ANKRD55: variants seen among roughly 807,000 people sequenced by gnomAD.
ANKRD55 encodes ankyrin repeat domain-containing protein 55.
A neutral mutation model predicts 60.6 loss-of-function variants in ANKRD55; 41 were observed. That is an observed-to-expected ratio of 0.68 (90% CI 0.53 to 0.88). ANKRD55 has a LOEUF of 0.88. Ranked by LOEUF, ANKRD55 falls within the 40% of genes least tolerant of loss-of-function variation. ANKRD55 has a pLI of 0.00. For synonymous variants in ANKRD55, 264 were observed against 290.3 expected, an observed-to-expected ratio of 0.91 and a Z score of 0.92; for missense variants, 732 against 767.6, an observed-to-expected ratio of 0.95 and a Z score of 0.55.
At chr5:56,145,204 T>A (rs983066294) in intron 6 of ANKRD55, among the ~76,000 whole-genome samples, 1 of 152,202 alleles carries the variant, frequency 6.6e-6, no homozygotes, top group African/African-American at 2.4e-5. Context: ...TGTGGTGATG[T>A]CTCCTACGTG....
In ANKRD55 at chr5:56,111,619, C is replaced by T; in HGVS notation, c.1129G>A (p.Glu377Lys). ...AAGGTGGTGATGATGTCATTGACTT[C>T]TGAGGTGTCCTCCTCTCTGTATCGG... ...RDRYREEDTS[E>K]VNDIITTFDS... Residue 377 changes from glutamate to lysine, a missense_variant, in exon 10 of 12, where the codon GAA becomes AAA. Physicochemically the swap from Glu to Lys is moderately conservative, Grantham distance 56. This residue lies in a region of ANKRD55 where 597 missense variants were observed against 607.5 expected (regional missense o/e 0.98). Coordinates refer to ENST00000341048, the MANE Select transcript of ANKRD55 (RefSeq NM_024669.3). 1.3e-6 allele frequency: 2 copies of T among 1,580,390 alleles called. No homozygotes were observed. The highest frequency in any genetic ancestry group is 2.4e-5 in the South Asian group (2 of 83,380).
intron 6 of ANKRD55, among the ~76,000 whole-genome samples, chr5:56,148,300 A>G (rs775053427): frequency 2.6e-5 from 4 of 152,188 alleles, no homozygotes; most frequent in Non-Finnish European, 4.4e-5. Flanking sequence ...GGAGCTGACA[A>G]TCTAGCAGTC....
chr5:56,188,824 G>A (rs777332481), intron 2 of ANKRD55, among the ~76,000 whole-genome samples: 3 of 152,104 alleles, frequency 2.0e-5, no homozygotes, highest in Non-Finnish European at 4.4e-5. Context: ...CACTGAAAAA[G>A]TTCTGACTGA....
intron 2 of ANKRD55, among the ~76,000 whole-genome samples, chr5:56,217,288 T>C (rs1158217611): frequency 6.6e-6 from 1 of 152,238 alleles, no homozygotes; most frequent in Non-Finnish European, 1.5e-5. Flanking sequence ...CAATACATTG[T>C]CAATGAGCAG....
chr5:56,222,718 G>C (rs1418204748), intron 2 of ANKRD55, among the ~76,000 whole-genome samples: 1 of 152,232 alleles, frequency 6.6e-6, no homozygotes, highest in East Asian at 1.9e-4. Flanking sequence ...ACAAGCTTCA[G>C]TAGCTGATTC....
chr5:56,201,822 T>C (rs139874539), intron 2 of ANKRD55, among the ~76,000 whole-genome samples: 18 of 152,352 alleles, frequency 1.2e-4, no homozygotes, highest in Non-Finnish European at 2.1e-4. Flanking sequence ...TAAATCATTC[T>C]ATTATAAAGA....
intron 2 of ANKRD55, among the ~76,000 whole-genome samples, chr5:56,207,747 C>A (rs866996358): frequency 2.0e-5 from 3 of 152,172 alleles, no homozygotes; most frequent in African/African-American, 7.2e-5. Flanking sequence ...CGGGATGTTG[C>A]TCTGGGTGAG....
chr5:56,115,276 C>T (rs1433275651), intron 9 of ANKRD55, among the ~76,000 whole-genome samples: 1 of 151,056 alleles, frequency 6.6e-6, no homozygotes, highest in African/African-American at 2.4e-5. Context: ...CACATTACAT[C>T]GCAACAGAGA....
chr5:56,111,818 G>C, intron 9 of ANKRD55, 36 bp from the exon 10 acceptor site: 1 of 1,455,374 alleles, frequency 6.9e-7, no homozygotes, highest in Non-Finnish European at 9.0e-7. Context: ...TGATATGTGA[G>C]TATGGGAAGT....
At chr5:56,107,771 G>A (rs1012512590) in intron 10 of ANKRD55, among the ~76,000 whole-genome samples, 2 of 152,090 alleles carry the variant, frequency 1.3e-5, no homozygotes, top group Non-Finnish European at 2.9e-5. Context: ...ATTAGGTGAC[G>A]GGGCACATAG....
chr5:56,168,530 A>G (rs116329180), intron 5 of ANKRD55, among the ~76,000 whole-genome samples: 1,531 of 152,232 alleles, frequency 0.01, 26 homozygotes, highest in African/African-American at 0.035. Flanking sequence ...TAATTGTTCT[A>G]TTTTATTATT....
chr5:56,166,158 T>TTTCTTCTTTCCTTCCTTCCTTCC (rs1554040812), intron 5 of ANKRD55, among the ~76,000 whole-genome samples: 3 of 72,434 alleles, frequency 4.1e-5, no homozygotes, highest in African/African-American at 6.5e-5. Flanking sequence ...TTCTTTCTTC[T>TTTCTTCTTTCCTTCCTTCCTTCC]TTCCTTCCTT....
At position 56,131,533 on chromosome 5, in the gene ANKRD55, T is replaced by C. The variant is rs369568321; in HGVS notation, c.613-4427A>G. Among the ~76,000 whole-genome samples the C allele has an allele frequency of 2.1e-3, 314 of 152,176 alleles. 1 individual carries two copies. The highest frequency in any genetic ancestry group is 7.4e-3 in the African/African-American group (306 of 41,542). The stretch of plus-strand genomic sequence containing the variant: ...GTTTCTTGACGGGTGCGGTGGCTCA[T>C]GCCTGTAATCCCAGCATTTTGGGAG... On this transcript the variant is annotated intron_variant, in intron 7 of 11. Transcript: ENST00000341048.
chr5:56,163,232 T>C (rs538840217), intron 5 of ANKRD55, among the ~76,000 whole-genome samples: 1 of 152,190 alleles, frequency 6.6e-6, no homozygotes, highest in Non-Finnish European at 1.5e-5. Context: ...AGGCCCTTCC[T>C]GGCTTGCCAA....
intron 5 of ANKRD55, 48 bp from the exon 6 acceptor site, chr5:56,159,941 G>C (rs1274265385): frequency 1.3e-6 from 2 of 1,537,672 alleles, no homozygotes; most frequent in East Asian, 4.5e-5. Context: ...AGGCAGTCAC[G>C]GTGCTCTTGG....
At position 56,162,672 on chromosome 5, in the gene ANKRD55, A is replaced by T. The variant is rs74488347; in HGVS notation, c.423-2779T>A. Among the ~76,000 whole-genome samples the T allele has an allele frequency of 6.1e-5, 9 of 147,102 alleles. 1 individual carries two copies. Among genetic ancestry groups the T allele is most frequent in the Admixed American group, 2.0e-4 (3 of 14,850 alleles). ...ATCTCTTGTTGGTCAATTTTTGGTCAATTTTTTTTTTTTTTGAGACAAGCT... is the reference window on the plus strand; with the variant it reads ...ATCTCTTGTTGGTCAATTTTTGGTCTATTTTTTTTTTTTTTGAGACAAGCT... On this transcript the variant is annotated intron_variant, in intron 5 of 11. Coordinates refer to ENST00000341048, the MANE Select transcript of ANKRD55 (RefSeq NM_024669.3).
intron 5 of ANKRD55, among the ~76,000 whole-genome samples, chr5:56,166,086 T>TC (rs1554040775): frequency 1.1e-5 from 1 of 91,772 alleles, no homozygotes; most frequent in African/African-American, 3.6e-5. Context: ...TTTCTTTTCT[T>TC]TTTCTTTCTT....
intron 6 of ANKRD55, among the ~76,000 whole-genome samples, chr5:56,159,005 CCTTTTTCTTT>C (rs1428936899): frequency 6.6e-6 from 1 of 151,930 alleles, no homozygotes; most frequent in African/African-American, 2.4e-5. Context: ...TCATTGTTTT[CCTTTTTCTTT>C]CTTTTTTTTC....
At chr5:56,137,908 A>G (rs1312563277) in intron 7 of ANKRD55, among the ~76,000 whole-genome samples, 1 of 152,218 alleles carries the variant, frequency 6.6e-6, no homozygotes, top group East Asian at 1.9e-4. Context: ...GATGACTAAT[A>G]AGCCCATGAA....
Sources: gnomAD v4.1 joint callset for allele counts (sites outside exome capture counted in the v4.1 genomes callset) on GRCh38, gnomAD v4.1.1 for gene constraint, gnomAD v4.1.1 regional missense constraint, MANE v1.5 for transcripts, NCBI Gene and HGNC (gene_info 2026-07-23, HGNC 2026-07-21) for gene names.